HDAC1: variants seen among roughly 807,000 people sequenced by gnomAD.
The protein encoded by HDAC1 is histone deacetylase 1.
A neutral mutation model predicts 65.5 loss-of-function variants in HDAC1; 18 were observed. That is an observed-to-expected ratio of 0.27 (90% CI 0.19 to 0.41). The LOEUF (loss-of-function observed/expected upper bound fraction) is 0.41. Ranked by LOEUF, HDAC1 falls within the 10% of genes least tolerant of loss-of-function variation. The pLI is 1.00. For synonymous variants in HDAC1, 211 were observed against 227.9 expected, an observed-to-expected ratio of 0.93 and a Z score of 0.67; for missense variants, 373 against 625.2, an observed-to-expected ratio of 0.60 and a Z score of 4.30.
At chr1:32,316,580 C>T (rs988842561) in intron 2 of HDAC1, 85 bp from the exon 3 acceptor site, 7 of 780,240 alleles carry the variant, frequency 9.0e-6, no homozygotes, top group Admixed American at 3.7e-5. Context: ...CTCCATGCTG[C>T]GCAGGAAATA....
chr1:32,332,308 G>C (rs1641304046), intron 12 of HDAC1, 66 bp downstream of exon 12: 1 of 1,463,464 alleles, frequency 6.8e-7, no homozygotes, highest in Non-Finnish European at 9.3e-7. Context: ...TAGGGCAGTG[G>C]GAGGAGGGAG....
Position 32,333,232 on chromosome 1 carries a change from TTGCCA to T in HDAC1, c.*189_*193del, listed in dbSNP as rs1440708240. 46 of 481,070 alleles carry T rather than the reference TTGCCA, an allele frequency of 9.6e-5. No homozygotes were observed. Among genetic ancestry groups the T allele is most frequent in the South Asian group, 2.5e-4 (7 of 27,892 alleles). 29.8% of individuals were successfully genotyped at this position (481,070 alleles called of 1,614,324 possible). ...TGGGTGAGCTCTTCCAGGAGCCACC[TTGCCA>T]CCCATTCTTCCCGTTCTTAACTTTG... is the stretch of plus-strand genomic sequence containing the variant. On this transcript the variant is annotated 3_prime_UTR_variant, in exon 14 of 14. Coordinates refer to ENST00000373548, the MANE Select transcript of HDAC1 (RefSeq NM_004964.3).
chr1:32,333,414 G>C lies in HDAC1; in HGVS notation c.*370G>C, dbSNP rs556406277. 1 of 162,326 alleles carries C rather than the reference G, an allele frequency of 6.2e-6. No individual in the cohort carries two copies. Among genetic ancestry groups the C allele is most frequent in the African/African-American group, 2.4e-5 (1 of 41,728 alleles). 10.1% of individuals were successfully genotyped at this position (162,326 alleles called of 1,614,324 possible). A position where few individuals can be genotyped will look rare whatever the true frequency, so the allele number is the denominator to read the frequency against. The stretch of plus-strand genomic sequence containing the variant: ...GTGGCTGGGTCTTCAAGGATCTCCT[G>C]TTTTTTTCAGGCTCCTAAAGTAACA... On this transcript the variant is annotated 3_prime_UTR_variant, in exon 14 of 14. Coordinates refer to ENST00000373548, the MANE Select transcript of HDAC1 (RefSeq NM_004964.3).
chr1:32,327,247 T>C lies in HDAC1; in HGVS notation c.494+170T>C. On this transcript the variant is annotated intron_variant, in intron 5 of 13. Transcript: ENST00000373548. This position sits in a 1 kb window ranked among gnomAD's most constrained non-coding sequence, Gnocchi z 6.0. ...TCCTTGATGGGGTCTTGGTTTGATC[T>C]GAGCCACGGCATGATCAGGGGCAGA... 1 of 665,694 alleles carries C rather than the reference T, an allele frequency of 1.5e-6. No individual in the cohort carries two copies. The highest frequency in any genetic ancestry group is 2.6e-6 in the Non-Finnish European group (1 of 388,832). The allele number at this position is 665,694 out of a possible 1,614,324, so 41.2% of individuals were successfully genotyped here.
At chr1:32,328,405 G>A (rs182279412) in intron 6 of HDAC1, among the ~76,000 whole-genome samples, 9 of 151,448 alleles carry the variant, frequency 5.9e-5, no homozygotes, top group African/African-American at 1.9e-4. Flanking sequence ...TCCGCCTCCC[G>A]CCTCCAGGCG....
At chr1:32,321,483 G>A (rs532519329) in intron 3 of HDAC1, among the ~76,000 whole-genome samples, 4 of 149,948 alleles carry the variant, frequency 2.7e-5, no homozygotes, top group South Asian at 2.1e-4. Flanking sequence ...CTCTGCCTAC[G>A]TCTGCTTCCA....
At chr1:32,316,932 C>A (rs1326111719) in intron 3 of HDAC1, 150 bp downstream of exon 3, 12 of 659,260 alleles carry the variant, frequency 1.8e-5, no homozygotes, top group Non-Finnish European at 3.3e-5. Flanking sequence ...TTTTTCCCCT[C>A]AAGTCGGATT....
intron 2 of HDAC1, among the ~76,000 whole-genome samples, chr1:32,313,025 G>T (rs1286032048): frequency 1.3e-5 from 2 of 151,728 alleles, no homozygotes; most frequent in Non-Finnish European, 2.9e-5. Context: ...TCAGAGATGG[G>T]GTCTTAGGAA....
chr1:32,292,278 G>T, intron 1 of HDAC1, 60 bp downstream of exon 1: 1 of 1,544,198 alleles, frequency 6.5e-7, no homozygotes. Flanking sequence ...GAACCTGGAG[G>T]CTGAGGCTGG....
rs1641189777 is a variant in HDAC1, at chr1:32,324,482, A to G, written c.284A>G (p.Asn95Ser). ...SEYSKQMQRFNVGEDCPVFDG... is the reference protein window; with the variant it reads ...SEYSKQMQRFSVGEDCPVFDG... ...CCTTTTGCTTATTTCTTTCAAGTCAACGTTGGTGAGGACTGTCCAGTATTC... is the reference window on the plus strand; with the variant it reads ...CCTTTTGCTTATTTCTTTCAAGTCAGCGTTGGTGAGGACTGTCCAGTATTC... The change falls in exon 4 of 14, where the codon AAC becomes AGC. Residue 95 changes from asparagine to serine, a missense_variant. This residue lies in a region of HDAC1 where 80 missense variants were observed against 126.3 expected (regional missense o/e 0.63). Coordinates refer to ENST00000373548, the MANE Select transcript of HDAC1 (RefSeq NM_004964.3). 8 of 1,609,272 alleles carry G rather than the reference A, an allele frequency of 5.0e-6. No individual in the cohort carries two copies. Among genetic ancestry groups the G allele is most frequent in the Admixed American group, 1.7e-5 (1 of 59,938 alleles).
intron 3 of HDAC1, among the ~76,000 whole-genome samples, chr1:32,323,753 A>T (rs897344493): frequency 6.6e-5 from 10 of 152,286 alleles, no homozygotes; most frequent in Admixed American, 1.3e-4. Flanking sequence ...TTGTGTGAAG[A>T]TGAATGATCT....
intron 6 of HDAC1, among the ~76,000 whole-genome samples, chr1:32,328,442 CGGGATTTAGCT>C (rs1553158786): frequency 3.3e-5 from 5 of 152,058 alleles, no homozygotes; most frequent in African/African-American, 9.7e-5. Context: ...TCCGAATAGC[CGGGATTTAGCT>C]GGGATTATAA....
chr1:32,309,520 C>G (rs1640960097), intron 2 of HDAC1, among the ~76,000 whole-genome samples: 1 of 152,032 alleles, frequency 6.6e-6, no homozygotes, highest in South Asian at 2.1e-4. Flanking sequence ...AACCCTCTCT[C>G]TACTAAAAAT....
At chr1:32,302,756 G>T in intron 2 of HDAC1, 23 bp downstream of exon 2, 3 of 1,063,654 alleles carry the variant, frequency 2.8e-6, no homozygotes, top group Non-Finnish European at 4.4e-6. Flanking sequence ...AGGTGCTACC[G>T]CTCCCTAACC....
chr1:32,293,243 C>G (rs1445269903), intron 1 of HDAC1, among the ~76,000 whole-genome samples: 1 of 151,312 alleles, frequency 6.6e-6, no homozygotes. Flanking sequence ...TCCCTTAGAA[C>G]CCGGGAGGCA....
At chr1:32,322,592 G>C (rs559366251) in intron 3 of HDAC1, among the ~76,000 whole-genome samples, 1 of 152,122 alleles carries the variant, frequency 6.6e-6, no homozygotes, top group African/African-American at 2.4e-5. Flanking sequence ...TCTGTAAGAG[G>C]AGATTTGGAG....
At chr1:32,292,405 G>A (rs1025933192) in intron 1 of HDAC1, 187 bp downstream of exon 1, 1 of 985,188 alleles carries the variant, frequency 1.0e-6, no homozygotes, top group Admixed American at 6.2e-5. Context: ...TCGAGGCTGA[G>A]ACCAAGAGGG....
chr1:32,307,749 T>C lies in HDAC1; in HGVS notation c.162+5016T>C, dbSNP rs148210700. ...CTGCTGTATTCTTTGGAACTTTGAG[T>C]CCTGGGATGAAGATGGATTGTTAGA... On this transcript the variant is annotated intron_variant, in intron 2 of 13. Transcript: ENST00000373548. Among the ~76,000 whole-genome samples the C allele has an allele frequency of 1.8e-4, 28 of 152,234 alleles. 1 individual carries two copies. In the East Asian group the frequency reaches 5.2e-3, roughly 28 times the overall value.
At chr1:32,298,467 C>T (rs1369869695) in intron 1 of HDAC1, among the ~76,000 whole-genome samples, 1 of 152,014 alleles carries the variant, frequency 6.6e-6, no homozygotes, top group Admixed American at 6.6e-5. Flanking sequence ...GATCCACCCG[C>T]CTCGGCCCAA....
Sources: gnomAD v4.1 joint callset for allele counts (sites outside exome capture counted in the v4.1 genomes callset) on GRCh38, gnomAD v4.1.1 for gene constraint, gnomAD v4.1.1 regional missense constraint, Gnocchi (gnomAD v3.1) non-coding constraint, MANE v1.5 for transcripts, NCBI Gene and HGNC (gene_info 2026-07-23, HGNC 2026-07-21) for gene names.